EPHB2: variants seen among roughly 807,000 people sequenced by gnomAD.
The protein encoded by EPHB2 is EPH receptor B2.
A neutral mutation model predicts 96.4 loss-of-function variants in EPHB2; 18 were observed. The ratio of observed to expected loss-of-function variants is 0.19; its 90% CI spans 0.13 to 0.28. EPHB2 has a LOEUF of 0.28. EPHB2 is among the 10% of genes least tolerant of loss of function. EPHB2 has a pLI of 1.00. For missense variants in EPHB2, 989 were observed against 1,355.4 expected, an observed-to-expected ratio of 0.73 and a Z score of 4.25; for synonymous variants, 506 against 534.1, an observed-to-expected ratio of 0.95 and a Z score of 0.72.
At chr1:22,815,637 G>A (rs148666466) in intron 3 of EPHB2, among the ~76,000 whole-genome samples, 279 of 152,372 alleles carry the variant, frequency 1.8e-3, no homozygotes, top group African/African-American at 6.0e-3. Context: ...CAAAGATTCC[G>A]AAGGCATGTG....
rs372833112 is a variant in EPHB2, at chr1:22,840,169, A to G, written c.812-22868A>G. The stretch of plus-strand genomic sequence containing the variant: ...TTTTCTCCTTTGCAAAATGGGAGAA[A>G]TAGTGCCAAACTCATAGGGATGTTA... On this transcript the variant is annotated intron_variant, in intron 3 of 15. Transcript: ENST00000374630. Among the ~76,000 whole-genome samples, 28 of 152,312 alleles carry G rather than the reference A, an allele frequency of 1.8e-4. 1 individual carries two copies. Among genetic ancestry groups the G allele is most frequent in the African/African-American group, 6.7e-4 (28 of 41,578 alleles).
At position 22,914,673 on chromosome 1, in the gene EPHB2, A is replaced by T. The variant is rs1414992711; in HGVS notation, c.*1103A>T. The T allele has an allele frequency of 3.3e-5, 5 of 152,276 alleles. No homozygotes were observed. The highest frequency in any genetic ancestry group is 1.2e-4 in the African/African-American group (5 of 41,298). The allele number at this position is 152,276 out of a possible 1,614,324, so 9.4% of individuals were successfully genotyped here. On this transcript the variant is annotated 3_prime_UTR_variant, in exon 16 of 16. Transcript: ENST00000374630. ...GGCAATACACCAAGGGCGAGATTTTATATGCACATTTCTGGATTTTTTTAT... is the reference window on the plus strand; with the variant it reads ...GGCAATACACCAAGGGCGAGATTTTTTATGCACATTTCTGGATTTTTTTAT...
chr1:22,796,546 C>G (rs1381719211), intron 3 of EPHB2, among the ~76,000 whole-genome samples: 2 of 152,238 alleles, frequency 1.3e-5, no homozygotes, highest in East Asian at 3.8e-4. Context: ...AGCTTTGTCT[C>G]CTGTCCTCTC....
chr1:22,917,664 G>A lies in EPHB2; in HGVS notation c.*4094G>A, dbSNP rs146893780. 9.4e-4 allele frequency: 144 copies of A among 152,424 alleles called. No homozygotes were observed. Among genetic ancestry groups the A allele is most frequent in the African/African-American group, 3.0e-3 (123 of 41,560 alleles). 9.4% of individuals were successfully genotyped at this position (152,424 alleles called of 1,614,324 possible). ...GTATTCCCCCTGCATATTTTGGGGGGAAACTGAGGCTCAGGGGGATGAAGT... is the reference window on the plus strand; with the variant it reads ...GTATTCCCCCTGCATATTTTGGGGGAAAACTGAGGCTCAGGGGGATGAAGT... On this transcript the variant is annotated 3_prime_UTR_variant, in exon 16 of 16. Coordinates refer to ENST00000374630, the MANE Select transcript of EPHB2 (RefSeq NM_017449.5).
At chr1:22,907,073 G>A (rs1639941527) in intron 11 of EPHB2, 116 bp downstream of exon 11, 1 of 1,371,832 alleles carries the variant, frequency 7.3e-7, no homozygotes, top group East Asian at 2.5e-5. Flanking sequence ...GGTCAGGAAT[G>A]GCTTGCAGGC....
At position 22,784,346 on chromosome 1, in the gene EPHB2, G is replaced by T; in HGVS notation, c.127-46G>T. 6.3e-7 allele frequency: 1 copy of T among 1,588,210 alleles called. No homozygotes were observed. Among genetic ancestry groups the T allele is most frequent in the South Asian group, 1.1e-5 (1 of 89,954 alleles). ...TTCCACCTTAGACTGAGTGTGTGCTGGGGCTGAGCCCTTACCTCCCCACCT... is the reference window on the plus strand; with the variant it reads ...TTCCACCTTAGACTGAGTGTGTGCTTGGGCTGAGCCCTTACCTCCCCACCT... On this transcript the variant is annotated intron_variant, in intron 2 of 15. Coordinates refer to ENST00000374630, the MANE Select transcript of EPHB2 (RefSeq NM_017449.5). This position sits in a 1 kb window ranked among gnomAD's most constrained non-coding sequence, Gnocchi z 5.1.
intron 1 of EPHB2, among the ~76,000 whole-genome samples, chr1:22,754,946 T>G (rs1570217907): frequency 1.3e-5 from 2 of 149,988 alleles, no homozygotes; most frequent in African/African-American, 4.9e-5. Context: ...GCAGGGGAGG[T>G]GAGGCGAGGG....
intron 1 of EPHB2, among the ~76,000 whole-genome samples, chr1:22,742,680 A>G (rs1172474327): frequency 6.6e-6 from 1 of 150,844 alleles, no homozygotes; most frequent in African/African-American, 2.4e-5. Flanking sequence ...CTAGTTTTTT[A>G]TTTTTTGTAG....
At chr1:22,798,918 A>G (rs1271358342) in intron 3 of EPHB2, among the ~76,000 whole-genome samples, 2 of 152,072 alleles carry the variant, frequency 1.3e-5, no homozygotes, top group African/African-American at 4.8e-5. Flanking sequence ...GTGCTGGCAG[A>G]GTTTCTAGAA....
intron 5 of EPHB2, among the ~76,000 whole-genome samples, chr1:22,867,209 G>A (rs1021209002): frequency 2.0e-5 from 3 of 152,226 alleles, no homozygotes; most frequent in Non-Finnish European, 4.4e-5. Context: ...GTAAGTCTGT[G>A]TATTTGTGAG....
chr1:22,838,371 G>A (rs1483937440), intron 3 of EPHB2, among the ~76,000 whole-genome samples: 2 of 152,254 alleles, frequency 1.3e-5, no homozygotes, highest in African/African-American at 2.4e-5. Context: ...CAGGGGAAGG[G>A]GCATAGGCCA....
In EPHB2 at chr1:22,820,993, T is replaced by C. The variant is rs763993553; in HGVS notation, c.811+35917T>C. 4.6e-5 allele frequency among the ~76,000 whole-genome samples: 7 copies of C among 152,192 alleles called. No individual in the cohort carries two copies. The East Asian group carries it at 1.2e-3, about 25-fold the overall frequency. On this transcript the variant is annotated intron_variant, in intron 3 of 15. Coordinates refer to ENST00000374630, the MANE Select transcript of EPHB2 (RefSeq NM_017449.5). ...AAAAATAATGGTGGCTTAAACAAGATTGGAGTTTATTCTTCCCTCAAGTAA... is the reference window on the plus strand; with the variant it reads ...AAAAATAATGGTGGCTTAAACAAGACTGGAGTTTATTCTTCCCTCAAGTAA...
intron 7 of EPHB2, 87 bp downstream of exon 7, chr1:22,893,133 G>A: frequency 2.5e-6 from 4 of 1,606,042 alleles, no homozygotes; most frequent in Non-Finnish European, 2.6e-6. Flanking sequence ...AAGCACCTTT[G>A]TGCAGATTAG....
Position 22,913,289 on chromosome 1 carries a change from C to A in EPHB2, c.2853-173C>A. ...GATTCCGACTCAAGTGCTCTTCCAC[C>A]TCACACCATAGTCGCTCCCTCCAGC... On this transcript the variant is annotated intron_variant, in intron 15 of 15. Coordinates refer to ENST00000374630, the MANE Select transcript of EPHB2 (RefSeq NM_017449.5). This position sits in a 1 kb window ranked among gnomAD's most constrained non-coding sequence, Gnocchi z 4.1. 1 of 791,272 alleles carries A rather than the reference C, an allele frequency of 1.3e-6. No homozygotes were observed. The highest frequency in any genetic ancestry group is 2.1e-6 in the Non-Finnish European group (1 of 478,574). The allele number at this position is 791,272 out of a possible 1,614,324, so 49.0% of individuals were successfully genotyped here. A position where few individuals can be genotyped will look rare whatever the true frequency, so the allele number is the denominator to read the frequency against.
At chr1:22,852,346 T>C (rs1033615492) in intron 3 of EPHB2, among the ~76,000 whole-genome samples, 2 of 152,164 alleles carry the variant, frequency 1.3e-5, no homozygotes, top group Non-Finnish European at 2.9e-5. Flanking sequence ...CACCAGCTCC[T>C]CCTGATATCA....
intron 3 of EPHB2, among the ~76,000 whole-genome samples, chr1:22,808,159 G>T (rs1036423090): frequency 5.3e-5 from 8 of 151,932 alleles, no homozygotes; most frequent in African/African-American, 1.9e-4. Flanking sequence ...AAAAAGAAAA[G>T]AAAAGCAAAT....
At chr1:22,757,301 T>A (rs1644166266) in intron 1 of EPHB2, among the ~76,000 whole-genome samples, 1 of 151,810 alleles carries the variant, frequency 6.6e-6, no homozygotes, top group African/African-American at 2.4e-5. Flanking sequence ...GCTCCCAGGA[T>A]AAGGCAGGCA....
chr1:22,806,951 C>T (rs1292686440), intron 3 of EPHB2, among the ~76,000 whole-genome samples: 1 of 152,108 alleles, frequency 6.6e-6, no homozygotes, highest in Non-Finnish European at 1.5e-5. Flanking sequence ...ATTATCAGCA[C>T]TCCGGCTGCA....
chr1:22,756,434 G>T (rs1021146479), intron 1 of EPHB2, among the ~76,000 whole-genome samples: 1 of 152,112 alleles, frequency 6.6e-6, no homozygotes, highest in Non-Finnish European at 1.5e-5. Flanking sequence ...CCCTGACCCG[G>T]CCCTGACCCT....
Sources: allele counts gnomAD v4.1 joint callset (sites outside exome capture counted in the v4.1 genomes callset), GRCh38; gene constraint gnomAD v4.1.1; non-coding constraint Gnocchi (gnomAD v3.1); transcripts MANE v1.5; gene names NCBI Gene and HGNC (gene_info 2026-07-23, HGNC 2026-07-21).